Variants in PATE1 observed in about 807,000 individuals in gnomAD.
PATE1 encodes prostate and testis expressed 1.
Under a neutral mutation model 13.1 loss-of-function variants are expected in PATE1, and 21 were observed. The ratio of observed to expected loss-of-function variants is 1.61; its 90% CI spans 1.14 to 2.31. The LOEUF is 2.31. Ranked by LOEUF, PATE1 falls within the 30% of genes most tolerant of loss-of-function variation. PATE1 has a pLI of 0.00. For missense variants in PATE1, 166 were observed against 147.2 expected, an observed-to-expected ratio of 1.13 and a Z score of -0.66; for synonymous variants, 52 against 47.1, an observed-to-expected ratio of 1.10 and a Z score of -0.43.
In PATE1 at chr11:125,747,787, C is replaced by A. The variant is rs770754093; in HGVS notation, c.212C>A (p.Thr71Lys). 2.5e-6 allele frequency: 4 copies of A among 1,613,782 alleles called. No homozygotes were observed. The highest frequency in any genetic ancestry group is 2.7e-5 in the African/African-American group (2 of 74,906). ...SRGRGICTAT[T>K]EEACMVGRMF... ...GGAAGAGGAATATGCACAGCAACAACAGAAGAGGCCTGCATGGTTGGAAGG... is the reference window on the plus strand; with the variant it reads ...GGAAGAGGAATATGCACAGCAACAAAAGAAGAGGCCTGCATGGTTGGAAGG... Residue 71 changes from threonine (T) to lysine (K), a missense_variant, in exon 4 of 5, where the codon ACA (threonine) becomes AAA (lysine). Physicochemically the swap from Thr to Lys is moderately conservative, Grantham distance 78 (BLOSUM62 -1). Transcript: ENST00000305738.
Position 125,748,649 on chromosome 11 carries a change from T to C in PATE1, c.297T>C (p.Ala99=). The change falls in exon 5 of 5, where the codon GCT becomes GCC. Residue 99 remains alanine, a synonymous_variant. Transcript: ENST00000305738. ...TCATGGGCTGCCTAAAGAACTGTGCTGATGTGAAAGGCATAAGGTGGAGTG... is the reference window on the plus strand; with the variant it reads ...TCATGGGCTGCCTAAAGAACTGTGCCGATGTGAAAGGCATAAGGTGGAGTG... ...LTFMGCLKNC[A]DVKGIRWSVY... The C allele has an allele frequency of 6.2e-7, 1 of 1,613,972 alleles. No homozygotes were observed. Among genetic ancestry groups the C allele is most frequent in the South Asian group, 1.1e-5 (1 of 91,066 alleles).
chr11:125,747,799 G>C lies in PATE1; in HGVS notation c.224G>C (p.Cys75Ser). ...GICTATTEEA[C>S]MVGRMFKRDG... ...TGCACAGCAACAACAGAAGAGGCCT[G>C]CATGGTTGGAAGGATGTTCAAAAGT... The change falls in exon 4 of 5, where the codon TGC (cysteine) becomes TCC (serine). Residue 75 changes from cysteine to serine, a missense_variant. By Grantham distance (112) the Cys-to-Ser change is moderately radical. Transcript: ENST00000305738. The C allele has an allele frequency of 6.2e-7, 1 of 1,613,858 alleles. No homozygotes were observed. Among genetic ancestry groups the C allele is most frequent in the Non-Finnish European group, 8.5e-7 (1 of 1,179,800 alleles).
At chr11:125,746,480 T>A in intron 1 of PATE1, 124 bp downstream of exon 1, 1 of 1,326,458 alleles carries the variant, frequency 7.5e-7, no homozygotes, top group East Asian at 2.3e-5. Flanking sequence ...TCTGTTCTAA[T>A]GTTATGCCTT....
rs200989696 is a variant in PATE1, at chr11:125,747,484, T to A, written c.124+73T>A. On this transcript the variant is annotated intron_variant, in intron 3 of 4. Transcript: ENST00000305738. The stretch of plus-strand genomic sequence containing the variant: ...TCACTTTTCCTTATTCCTCCACCTT[T>A]CTTTCCCCTCCCATTTTTCAGGCTA... 4 of 1,261,434 alleles carry A rather than the reference T, an allele frequency of 3.2e-6. No individual in the cohort carries two copies. In the Admixed American group the frequency reaches 7.7e-5, roughly 24 times the overall value. The allele number at this position is 1,261,434 out of a possible 1,614,324, so 78.1% of individuals were successfully genotyped here.
chr11:125,748,892 CT>C lies in PATE1; in HGVS notation c.*160del. ...TCTTCTGCACACGAAAGGAAAGTCC[CT>C]CTCCTTTTCTACAGTCTCTGTCACG... is the stretch of plus-strand genomic sequence containing the variant. On this transcript the variant is annotated 3_prime_UTR_variant, in exon 5 of 5. Coordinates refer to ENST00000305738, the MANE Select transcript of PATE1 (RefSeq NM_138294.3). 3 of 826,972 alleles carry C rather than the reference CT, an allele frequency of 3.6e-6. No individual in the cohort carries two copies. The South Asian group carries it at 6.5e-5, about 18-fold the overall frequency. 51.2% of individuals were successfully genotyped at this position (826,972 alleles called of 1,614,324 possible). A position where few individuals can be genotyped will look rare whatever the true frequency, so the allele number is the denominator to read the frequency against.
At position 125,747,811 on chromosome 11, in the gene PATE1, G is replaced by A; in HGVS notation, c.236G>A (p.Arg79Lys). ...ACAGAAGAGGCCTGCATGGTTGGAA[G>A]GATGTTCAAAAGTAAGTTGTGGGTT... ...ATTEEACMVG[R>K]MFKRDGNPWL... The change falls in exon 4 of 5, where the codon AGG (arginine) becomes AAG (lysine). Residue 79 changes from arginine to lysine, a missense_variant. By Grantham distance (26) the Arg-to-Lys change is conservative. Coordinates refer to ENST00000305738, the MANE Select transcript of PATE1 (RefSeq NM_138294.3). 1.2e-6 allele frequency: 2 copies of A among 1,613,810 alleles called. No homozygotes were observed. The highest frequency in any genetic ancestry group is 1.7e-6 in the Non-Finnish European group (2 of 1,179,778).
rs978171960 is a variant in PATE1, at chr11:125,746,383, A to G, written c.52+27A>G. On this transcript the variant is annotated intron_variant, in intron 1 of 4. Coordinates refer to ENST00000305738, the MANE Select transcript of PATE1 (RefSeq NM_138294.3). ...TGAGTCCCTAGGGTTGACAGCTGGT[A>G]AGAGTCCTGAATTTAGGAACAGGTG... The G allele has an allele frequency of 1.9e-6, 3 of 1,610,034 alleles. No individual in the cohort carries two copies. The African/African-American group carries it at 4.0e-5, about 22-fold the overall frequency.
Position 125,746,316 on chromosome 11 carries a change from C to A in PATE1, c.12C>A (p.Ser4=). The part of the protein sequence containing the change: MDK[S]LLLELPILLC... ...TCCCTCTTTCCAAAATGGACAAGTC[C>A]CTCTTGCTGGAACTCCCCATCCTGC... Residue 4 remains serine, a synonymous_variant, in exon 1 of 5, where the codon TCC becomes TCA. Transcript: ENST00000305738. 6 of 1,613,920 alleles carry A rather than the reference C, an allele frequency of 3.7e-6. No homozygotes were observed. Among genetic ancestry groups the A allele is most frequent in the Non-Finnish European group, 5.1e-6 (6 of 1,179,868 alleles).
intron 3 of PATE1, 117 bp from the exon 4 acceptor site, chr11:125,747,583 G>T: frequency 6.7e-7 from 1 of 1,484,036 alleles, no homozygotes; most frequent in South Asian, 1.2e-5. Flanking sequence ...GTTCACGCTT[G>T]ATGGGCTCTG....
chr11:125,747,297 AG>A, intron 2 of PATE1, 78 bp from the exon 3 acceptor site: 1 of 1,379,612 alleles, frequency 7.2e-7, no homozygotes, highest in South Asian at 1.2e-5. Flanking sequence ...TGGACCCTGA[AG>A]GGCAGACTAT....
At chr11:125,747,580 C>T (rs868419075) in intron 3 of PATE1, 120 bp from the exon 4 acceptor site, 3 of 1,483,048 alleles carry the variant, frequency 2.0e-6, no homozygotes, top group African/African-American at 1.4e-5. Context: ...GAGGTTCACG[C>T]TTGATGGGCT....
Position 125,747,839 on chromosome 11 carries a change from G to A in PATE1, c.247+17G>A, listed in dbSNP as rs748642656. The A allele has an allele frequency of 6.2e-6, 10 of 1,613,464 alleles. No individual in the cohort carries two copies. The highest frequency in any genetic ancestry group is 2.2e-5 in the East Asian group (1 of 44,876). ...TGTTCAAAAGTAAGTTGTGGGTTGG[G>A]GAAAAGAAGAACGGGCAGAGGACGT... On this transcript the variant is annotated intron_variant, in intron 4 of 4. Transcript: ENST00000305738.
In PATE1 at chr11:125,749,236, T is replaced by C. The variant is rs970496828; in HGVS notation, c.*503T>C. On this transcript the variant is annotated 3_prime_UTR_variant, in exon 5 of 5. Coordinates refer to ENST00000305738, the MANE Select transcript of PATE1 (RefSeq NM_138294.3). ...ATAAAAAGAAGTGGCTCAAGTCTTC[T>C]TGGAGTTTGTTCATGAATGCTGATC... 1 of 152,326 alleles carries C rather than the reference T, an allele frequency of 6.6e-6. No individual in the cohort carries two copies. The highest frequency in any genetic ancestry group is 6.5e-5 in the Admixed American group (1 of 15,272). The allele number at this position is 152,326 out of a possible 1,614,324, so 9.4% of individuals were successfully genotyped here. A position where few individuals can be genotyped will look rare whatever the true frequency, so the allele number is the denominator to read the frequency against.
In PATE1 at chr11:125,746,446, A is replaced by G. The variant is rs184322635; in HGVS notation, c.52+90A>G. Reference sequence around the variant, plus strand: ...ACAGAGGCCTTCTCATGGGAGTCCTATGGCAACTGAAGCATGATGAGCTTC... The same window carrying G: ...ACAGAGGCCTTCTCATGGGAGTCCTGTGGCAACTGAAGCATGATGAGCTTC... On this transcript the variant is annotated intron_variant, in intron 1 of 4. Coordinates refer to ENST00000305738, the MANE Select transcript of PATE1 (RefSeq NM_138294.3). 95 of 1,443,496 alleles carry G rather than the reference A, an allele frequency of 6.6e-5. No homozygotes were observed. In the East Asian group the frequency reaches 1.5e-3, roughly 23 times the overall value. 89.4% of individuals were successfully genotyped at this position (1,443,496 alleles called of 1,614,324 possible).
rs12286795 is a variant in PATE1, at chr11:125,747,971, G to A, written c.247+149G>A. Reference sequence around the variant, plus strand: ...GATTCCTTCATCCCCATCATATGCCGTAATGAAAATTAGATGGAGGTGGTC... The same window carrying A: ...GATTCCTTCATCCCCATCATATGCCATAATGAAAATTAGATGGAGGTGGTC... On this transcript the variant is annotated intron_variant, in intron 4 of 4. Transcript: ENST00000305738. 2,477 of 1,231,118 alleles carry A rather than the reference G, an allele frequency of 2.0e-3. 33 individuals are homozygous for A. In the African/African-American group the frequency reaches 0.028, roughly 14 times the overall value. The allele number at this position is 1,231,118 out of a possible 1,614,324, so 76.3% of individuals were successfully genotyped here. A position where few individuals can be genotyped will look rare whatever the true frequency, so the allele number is the denominator to read the frequency against.
chr11:125,747,490 C>A, intron 3 of PATE1, 79 bp downstream of exon 3: 1 of 1,467,392 alleles, frequency 6.8e-7, no homozygotes, highest in Non-Finnish European at 9.5e-7. Flanking sequence ...CCTTTCTTTC[C>A]CCTCCCATTT....
At chr11:125,746,800 T>G in intron 2 of PATE1, 104 bp downstream of exon 2, 1 of 1,188,568 alleles carries the variant, frequency 8.4e-7, no homozygotes, top group Non-Finnish European at 1.3e-6. Flanking sequence ...AAAATACGAA[T>G]AGACCTTGAG....
intron 3 of PATE1, 129 bp downstream of exon 3, chr11:125,747,540 C>T (rs1479596149): frequency 2.1e-6 from 3 of 1,412,036 alleles, no homozygotes; most frequent in Non-Finnish European, 2.9e-6. Context: ...CTCAATCACT[C>T]TCTTGGCTTA....
In PATE1 at chr11:125,747,709, T is replaced by C; in HGVS notation, c.134T>C (p.Ile45Thr). The change falls in exon 4 of 5, where the codon ATT becomes ACT. Residue 45 changes from isoleucine to threonine, a missense_variant. Transcript: ENST00000305738. ...CCTCTCTCTGGCCAAGTGATAGAAA[T>C]TGTTCAGTGTAGGATGTGCCACCTC... is the stretch of plus-strand genomic sequence containing the variant. ...AVKNNFPVIE[I>T]VQCRMCHLQF... 6.2e-7 allele frequency: 1 copy of C among 1,613,496 alleles called. No homozygotes were observed. The highest frequency in any genetic ancestry group is 8.5e-7 in the Non-Finnish European group (1 of 1,179,710).
Sources: gnomAD v4.1 joint callset for allele counts on GRCh38, gnomAD v4.1.1 for gene constraint, MANE v1.5 for transcripts, NCBI Gene and HGNC (gene_info 2026-07-23, HGNC 2026-07-21) for gene names.